The following SIK2 variants were observed in gnomAD, a reference collection of about 807,000 sequenced individuals.
SIK2 encodes the protein serine/threonine-protein kinase SIK2.
A neutral mutation model predicts 103.2 loss-of-function variants in SIK2; 29 were observed. The ratio of observed to expected loss-of-function variants is 0.28; its 90% CI spans 0.21 to 0.38. The LOEUF (loss-of-function observed/expected upper bound fraction) is 0.38, where lower values mean the gene tolerates loss of function less well. SIK2 is among the 10% of genes least tolerant of loss of function. SIK2 has a pLI of 1.00. For synonymous variants in SIK2, 412 were observed against 446.1 expected (o/e 0.92, Z 0.96); for missense variants, 879 against 1,171.0 (o/e 0.75, Z 3.64).
chr11:111,722,761 G>C lies in SIK2; in HGVS notation c.2147+5G>C. On this transcript the variant is annotated splice_donor_5th_base_variant and intron_variant, in intron 14 of 14. Coordinates refer to ENST00000304987, the MANE Select transcript of SIK2 (RefSeq NM_015191.3). The surrounding 1 kb of genome is among the most constrained non-coding windows in gnomAD (Gnocchi z 4.4). The stretch of plus-strand genomic sequence containing the variant: ...GCAGCAGCTGCAGGAACATAGGTGA[G>C]AAGGGGACTTTGGCCAAAGAAGTTG... 1 of 1,612,954 alleles carries C rather than the reference G, an allele frequency of 6.2e-7. No individual in the cohort carries two copies. Among genetic ancestry groups the C allele is most frequent in the Non-Finnish European group, 8.5e-7 (1 of 1,179,592 alleles).
At chr11:111,680,740 G>C (rs1942766426) in intron 3 of SIK2, among the ~76,000 whole-genome samples, 1 of 152,196 alleles carries the variant, frequency 6.6e-6, no homozygotes, top group Non-Finnish European at 1.5e-5. Flanking sequence ...TGGGGGAAGA[G>C]AAGGGATACC....
intron 3 of SIK2, among the ~76,000 whole-genome samples, chr11:111,628,413 C>A (rs1365555599): frequency 4.0e-5 from 2 of 49,778 alleles, no homozygotes; most frequent in African/African-American, 8.0e-5. Context: ...CAACCGCTTT[C>A]ATATCTTTCT....
intron 3 of SIK2, among the ~76,000 whole-genome samples, chr11:111,625,090 G>A (rs1941944588): frequency 6.6e-6 from 1 of 152,188 alleles, no homozygotes; most frequent in South Asian, 2.1e-4. Context: ...GAGGGTAAAT[G>A]AGAGGCAGGA....
At chr11:111,634,140 T>C (rs1027079255) in intron 3 of SIK2, among the ~76,000 whole-genome samples, 6 of 152,174 alleles carry the variant, frequency 3.9e-5, no homozygotes, top group African/African-American at 1.4e-4. Flanking sequence ...TTCTGCTCCT[T>C]GATATGCTGT....
intron 2 of SIK2, among the ~76,000 whole-genome samples, chr11:111,618,274 A>G (rs1032482094): frequency 1.3e-5 from 2 of 152,162 alleles, no homozygotes; most frequent in Non-Finnish European, 2.9e-5. Flanking sequence ...GCCGCTGTAA[A>G]TACAGATGAA....
chr11:111,692,650 A>G (rs1034440408), intron 4 of SIK2, among the ~76,000 whole-genome samples: 2 of 152,172 alleles, frequency 1.3e-5, no homozygotes, highest in Non-Finnish European at 2.9e-5. Flanking sequence ...TTATCTGTAA[A>G]TTTTATAACT....
rs556191212 is a variant in SIK2, at chr11:111,671,304, C to G, written c.317-16697C>G. ...CCTGGTACTCATGCAGCTCCCACAC[C>G]ATGTCCTGATTGGCCCATTGCAGGG... is the stretch of plus-strand genomic sequence containing the variant. On this transcript the variant is annotated intron_variant, in intron 3 of 14. Transcript: ENST00000304987. 47 of 251,080 alleles carry G rather than the reference C, an allele frequency of 1.9e-4. No individual in the cohort carries two copies. In the South Asian group the frequency reaches 2.4e-3, roughly 13 times the overall value. 15.6% of individuals were successfully genotyped at this position (251,080 alleles called of 1,614,324 possible).
intron 3 of SIK2, chr11:111,672,176 G>T: frequency 2.4e-6 from 1 of 425,150 alleles, no homozygotes; most frequent in South Asian, 2.0e-5. Context: ...AGCAGGCTCT[G>T]GTTTACCATA....
intron 1 of SIK2, among the ~76,000 whole-genome samples, chr11:111,613,085 T>C (rs1941751893): frequency 6.6e-6 from 1 of 151,860 alleles, no homozygotes; most frequent in Non-Finnish European, 1.5e-5. Flanking sequence ...TTAGATAACA[T>C]TTTAAACTTT....
rs181931829 is a variant in SIK2, at chr11:111,633,274, C to T, written c.316+12872C>T. ...TAGGAGAACACTGTAGTTCTCTTTC[C>T]TGCACAACTCATTTTAGAATTTATC... On this transcript the variant is annotated intron_variant, in intron 3 of 14. Transcript: ENST00000304987. 4.6e-4 allele frequency among the ~76,000 whole-genome samples: 70 copies of T among 152,078 alleles called. 1 individual carries two copies. The highest frequency in any genetic ancestry group is 1.5e-3 in the African/African-American group (64 of 41,480).
intron 3 of SIK2, among the ~76,000 whole-genome samples, chr11:111,648,920 C>T (rs1162310694): frequency 3.3e-5 from 5 of 151,868 alleles, no homozygotes; most frequent in Non-Finnish European, 5.9e-5. Flanking sequence ...GAAGCTCCAA[C>T]GAGAGAGGAA....
intron 1 of SIK2, among the ~76,000 whole-genome samples, chr11:111,614,085 A>ATT (rs5794759): frequency 0.024 from 3,278 of 137,630 alleles, 79 homozygotes; most frequent in East Asian, 0.084. Flanking sequence ...CTCTCCCCCC[A>ATT]TTTTTTTTTT....
intron 3 of SIK2, among the ~76,000 whole-genome samples, chr11:111,624,212 C>G (rs1941931239): frequency 6.6e-6 from 1 of 152,194 alleles, no homozygotes; most frequent in African/African-American, 2.4e-5. Flanking sequence ...GAAAAATACA[C>G]TATTTGCAGT....
At position 111,726,674 on chromosome 11, in the gene SIK2, A is replaced by G. The variant is rs964649796; in HGVS notation, c.*2545A>G. On this transcript the variant is annotated 3_prime_UTR_variant, in exon 15 of 15. Transcript: ENST00000304987. ...CTGCTCTGTCCCTAACTAGTGACCC[A>G]TGGAAGCTTCCAAGCAGTTTTCTCT... The G allele has an allele frequency of 1.2e-5, 5 of 423,706 alleles. No individual in the cohort carries two copies. The highest frequency in any genetic ancestry group is 1.7e-5 in the Non-Finnish European group (4 of 230,860). The allele number at this position is 423,706 out of a possible 1,614,324, so 26.2% of individuals were successfully genotyped here. A position where few individuals can be genotyped will look rare whatever the true frequency, so the allele number is the denominator to read the frequency against.
At chr11:111,697,062 T>C (rs1323102479) in intron 4 of SIK2, among the ~76,000 whole-genome samples, 1 of 152,228 alleles carries the variant, frequency 6.6e-6, no homozygotes, top group Non-Finnish European at 1.5e-5. Context: ...TAACTATTTT[T>C]GACATGCCAG....
intron 3 of SIK2, among the ~76,000 whole-genome samples, chr11:111,644,084 G>A (rs937899217): frequency 2.0e-5 from 3 of 150,948 alleles, no homozygotes; most frequent in Admixed American, 6.6e-5. Flanking sequence ...TCAGGAGTCC[G>A]AGAACAGCCT....
intron 3 of SIK2, among the ~76,000 whole-genome samples, chr11:111,645,526 A>C (rs913698469): frequency 2.0e-5 from 3 of 152,220 alleles, no homozygotes; most frequent in African/African-American, 7.2e-5. Context: ...TTACTTTTAA[A>C]AAACAAAAAA....
intron 3 of SIK2, among the ~76,000 whole-genome samples, 168 bp from the exon 4 acceptor site, chr11:111,687,833 C>T (rs920175400): frequency 6.6e-6 from 1 of 152,040 alleles, no homozygotes; most frequent in African/African-American, 2.4e-5. Flanking sequence ...TCTCGATCTC[C>T]TGACCTCGTG....
chr11:111,704,237 T>A (rs150154088), intron 7 of SIK2, among the ~76,000 whole-genome samples: 1 of 152,300 alleles, frequency 6.6e-6, no homozygotes, highest in East Asian at 1.9e-4. Context: ...GCTGGGCGTG[T>A]GATTCCACTG....
Sources: gnomAD v4.1 joint callset for allele counts (sites outside exome capture counted in the v4.1 genomes callset) on GRCh38, gnomAD v4.1.1 for gene constraint, Gnocchi (gnomAD v3.1) non-coding constraint, MANE v1.5 for transcripts, NCBI Gene and HGNC (gene_info 2026-07-23, HGNC 2026-07-21) for gene names.